The following VAV2 variants were observed in gnomAD, a reference collection of about 807,000 sequenced individuals.
The protein encoded by VAV2 is vav guanine nucleotide exchange factor 2, also known as guanine nucleotide exchange factor VAV2.
In VAV2, 67 loss-of-function variants were observed where a neutral mutation model predicts 132.5. The ratio of observed to expected loss-of-function variants is 0.51; its 90% CI spans 0.42 to 0.62. The LOEUF (loss-of-function observed/expected upper bound fraction) is 0.62, where lower values mean the gene tolerates loss of function less well. VAV2 is among the 20% of genes least tolerant of loss of function. VAV2 has a pLI of 0.00. For missense variants in VAV2, 938 were observed against 1,153.6 expected (o/e 0.81, Z 2.71); for synonymous variants, 492 against 443.5 (o/e 1.11, Z -1.37).
intron 1 of VAV2, among the ~76,000 whole-genome samples, chr9:133,981,820 C>A (rs1842703556): frequency 6.6e-6 from 1 of 152,226 alleles, no homozygotes; most frequent in Admixed American, 6.5e-5. Context: ...ACACGAGGAG[C>A]CCGGCCTCTG....
intron 3 of VAV2, among the ~76,000 whole-genome samples, chr9:133,836,812 C>T (rs1050980328): frequency 3.3e-5 from 5 of 152,178 alleles, no homozygotes; most frequent in Admixed American, 3.3e-4. Flanking sequence ...GTAAGGAAAC[C>T]CACCCTAATG....
At position 133,863,783 on chromosome 9, in the gene VAV2, GA is replaced by G; in HGVS notation, c.322-2352del. 6.6e-6 allele frequency among the ~76,000 whole-genome samples: 1 copy of G among 152,160 alleles called. No homozygotes were observed. ...GGGAAGCTCAGAAGTCCACCACGGGGAACCACACTCCAGTGACCCAAAACCC... is the reference window on the plus strand; with the variant it reads ...GGGAAGCTCAGAAGTCCACCACGGGGACCACACTCCAGTGACCCAAAACCC... On this transcript the variant is annotated intron_variant, in intron 2 of 29. Transcript: ENST00000371850. This position sits in a 1 kb window ranked among gnomAD's most constrained non-coding sequence, Gnocchi z 5.0.
At chr9:133,789,956 GCC>G (rs1834386332) in intron 13 of VAV2, among the ~76,000 whole-genome samples, 1 of 152,240 alleles carries the variant, frequency 6.6e-6, no homozygotes, top group African/African-American at 2.4e-5. Flanking sequence ...ACAGGGCCCT[GCC>G]TGGGAGGTGC....
At chr9:133,777,651 G>C (rs1467340884) in intron 22 of VAV2, among the ~76,000 whole-genome samples, 188 bp from the exon 23 acceptor site, 1 of 152,098 alleles carries the variant, frequency 6.6e-6, no homozygotes, top group Non-Finnish European at 1.5e-5. Context: ...TCCCACCCTA[G>C]ACATGAGAGC....
At position 133,955,978 on chromosome 9, in the gene VAV2, G is replaced by A. The variant is rs79762258; in HGVS notation, c.205-16759C>T. On this transcript the variant is annotated intron_variant, in intron 1 of 29. Transcript: ENST00000371850. ...GCTCCGGGGAGCTCTCAGACGGGCAGCCAGCACCTCACTGCCCATCTGCTC... is the reference window on the plus strand; with the variant it reads ...GCTCCGGGGAGCTCTCAGACGGGCAACCAGCACCTCACTGCCCATCTGCTC... Among the ~76,000 whole-genome samples, 494 of 151,160 alleles carry A rather than the reference G, an allele frequency of 3.3e-3. 3 individuals are homozygous for A. The highest frequency in any genetic ancestry group is 0.024 in the East Asian group (119 of 5,006).
chr9:133,778,615 G>A (rs1833897597), intron 22 of VAV2, 147 bp downstream of exon 22: 2 of 1,292,806 alleles, frequency 1.5e-6, no homozygotes, highest in South Asian at 1.5e-5. Flanking sequence ...GAGAGGCCTT[G>A]CTAGGCCCCC....
intron 22 of VAV2, among the ~76,000 whole-genome samples, chr9:133,778,202 C>T (rs538772031): frequency 1.7e-4 from 20 of 116,210 alleles, no homozygotes; most frequent in East Asian, 1.0e-3. Flanking sequence ...CCGGGATGAA[C>T]GCCCACAAAG....
chr9:133,847,162 A>T (rs1017947998), intron 3 of VAV2, among the ~76,000 whole-genome samples: 32 of 152,142 alleles, frequency 2.1e-4, no homozygotes, highest in African/African-American at 7.5e-4. Flanking sequence ...TACCTGTTCC[A>T]TCCAAACCCT....
chr9:133,859,746 C>G (rs1167327319), intron 3 of VAV2, among the ~76,000 whole-genome samples: 1 of 151,758 alleles, frequency 6.6e-6, no homozygotes, highest in African/African-American at 2.4e-5. Flanking sequence ...GAAACAAAAA[C>G]AAACAAAAAA....
intron 2 of VAV2, among the ~76,000 whole-genome samples, chr9:133,915,918 AATGCACAC>A (rs1172812860): frequency 2.0e-5 from 3 of 150,862 alleles, no homozygotes; most frequent in Middle Eastern, 3.2e-3. Context: ...GTGCACACAC[AATGCACAC>A]ATGCACACGA....
At chr9:133,894,361 G>A (rs1839110545) in intron 2 of VAV2, among the ~76,000 whole-genome samples, 3 of 152,228 alleles carry the variant, frequency 2.0e-5, no homozygotes, top group Admixed American at 2.0e-4. Context: ...AACAAAGGCT[G>A]GTGACAGGAG....
Position 133,911,003 on chromosome 9 carries a change from C to T in VAV2, c.321+28100G>A, listed in dbSNP as rs114875554. Among the ~76,000 whole-genome samples, 648 of 152,158 alleles carry T rather than the reference C, an allele frequency of 4.3e-3. 3 individuals are homozygous for T. Among genetic ancestry groups the T allele is most frequent in the African/African-American group, 0.014 (601 of 41,508 alleles). On this transcript the variant is annotated intron_variant, in intron 2 of 29. Transcript: ENST00000371850. Reference sequence around the variant, plus strand: ...TGATGGGACAGAGCCAGAGATGAAGCTACAGCTGGGAGCGCCGTGGCCTCC... The same window carrying T: ...TGATGGGACAGAGCCAGAGATGAAGTTACAGCTGGGAGCGCCGTGGCCTCC...
chr9:133,831,273 T>C (rs758558513), intron 4 of VAV2, among the ~76,000 whole-genome samples: 2 of 152,024 alleles, frequency 1.3e-5, no homozygotes, highest in Non-Finnish European at 2.9e-5. Context: ...TTGTCTCTAC[T>C]AAAAATACAA....
chr9:133,829,430 C>T (rs577005235), intron 4 of VAV2, among the ~76,000 whole-genome samples: 14 of 152,358 alleles, frequency 9.2e-5, no homozygotes, highest in African/African-American at 2.9e-4. Context: ...ACCTGTGCTA[C>T]CCGGCACAGA....
intron 25 of VAV2, among the ~76,000 whole-genome samples, chr9:133,773,943 C>T (rs746369223): frequency 2.6e-5 from 4 of 152,128 alleles, no homozygotes; most frequent in Non-Finnish European, 4.4e-5. Context: ...TAATGGGCTG[C>T]GCTATGATGT....
chr9:133,888,284 C>T (rs949346146), intron 2 of VAV2, among the ~76,000 whole-genome samples: 2 of 152,200 alleles, frequency 1.3e-5, no homozygotes, highest in African/African-American at 2.4e-5. Flanking sequence ...ACGGTGGTGA[C>T]GGCTGCACAG....
chr9:133,815,050 T>C (rs547091627), intron 4 of VAV2, among the ~76,000 whole-genome samples: 1 of 152,204 alleles, frequency 6.6e-6, no homozygotes, highest in African/African-American at 2.4e-5. Flanking sequence ...ACGAGCTCCA[T>C]CTGGAGCCCA....
chr9:133,903,078 G>GAAAAA (rs61131449), intron 2 of VAV2, among the ~76,000 whole-genome samples: 14 of 105,358 alleles, frequency 1.3e-4, no homozygotes, highest in Non-Finnish European at 1.6e-4. Context: ...CCTGCCCCAG[G>GAAAAA]AAAAAAAAAA....
In VAV2 at chr9:133,779,957, G is replaced by C. The variant is rs540626; in HGVS notation, c.1741-18C>G. The C allele has an allele frequency of 0.33, 523,691 of 1,610,930 alleles. 89,143 individuals carry two copies. The highest frequency in any genetic ancestry group is 0.38 in the South Asian group (34,472 of 90,758). On this transcript the variant is annotated intron_variant, in intron 20 of 29. Coordinates refer to ENST00000371850, the MANE Select transcript of VAV2 (RefSeq NM_001134398.2). ...GAGGCGTCCTGTGAGGACAAGGACA[G>C]AACACAGAGATGAGGGAAGGCTGCT...
Sources: gnomAD v4.1 joint callset for allele counts (sites outside exome capture counted in the v4.1 genomes callset) on GRCh38, gnomAD v4.1.1 for gene constraint, Gnocchi (gnomAD v3.1) non-coding constraint, MANE v1.5 for transcripts, NCBI Gene and HGNC (gene_info 2026-07-23, HGNC 2026-07-21) for gene names.